The following TSC1 variants were observed in gnomAD, a reference collection of about 807,000 sequenced individuals.
TSC1 encodes TSC complex subunit 1.
Under a neutral mutation model 124.3 loss-of-function variants are expected in TSC1, and 20 were observed. That is an observed-to-expected ratio of 0.16 (90% CI 0.11 to 0.23). TSC1 has a LOEUF of 0.23. Ranked by LOEUF, TSC1 falls within the 10% of genes least tolerant of loss-of-function variation. The pLI is 1.00. For synonymous variants in TSC1, 493 were observed against 539.1 expected, an observed-to-expected ratio of 0.91 and a Z score of 1.19; for missense variants, 1,124 against 1,448.5, an observed-to-expected ratio of 0.78 and a Z score of 3.64.
chr9:132,928,927 G>C lies in TSC1; in HGVS notation c.-55C>G. The C allele has an allele frequency of 6.2e-7, 1 of 1,610,716 alleles. No homozygotes were observed. The highest frequency in any genetic ancestry group is 8.5e-7 in the Non-Finnish European group (1 of 1,179,008). ...CAGGACGTGTGCTACAGGTTCTGAA[G>C]GTTCTTCATTGGGGCCACTACCAAA... On this transcript the variant is annotated 5_prime_UTR_variant, in exon 3 of 23. Coordinates refer to ENST00000298552, the MANE Select transcript of TSC1 (RefSeq NM_000368.5).
In TSC1 at chr9:132,923,436, T is replaced by C. The variant is rs1588350620; in HGVS notation, c.420A>G (p.Leu140=). 1 of 1,614,148 alleles carries C rather than the reference T, an allele frequency of 6.2e-7. No individual in the cohort carries two copies. The highest frequency in any genetic ancestry group is 8.5e-7 in the Non-Finnish European group (1 of 1,180,012). The part of the protein sequence containing the change: ...TTGVLVLITM[L]PMIPQSGKQH... The stretch of plus-strand genomic sequence containing the variant: ...GTTTCCCAGACTGTGGAATCATTGG[T>C]AGCATGGTTATCAACACCAAGACGC... Residue 140 remains leucine (L), a synonymous_variant, in exon 6 of 23, where the codon CTA becomes CTG. Coordinates refer to ENST00000298552, the MANE Select transcript of TSC1 (RefSeq NM_000368.5). The surrounding 1 kb of genome is among the most constrained non-coding windows in gnomAD (Gnocchi z 4.2).
rs2132130736 is a variant in TSC1 at position 132,921,311 on chromosome 9, C to A, written c.737+52G>T. On this transcript the variant is annotated intron_variant, in intron 8 of 22. Transcript: ENST00000298552. The surrounding 1 kb of genome is among the most constrained non-coding windows in gnomAD (Gnocchi z 4.3). The stretch of plus-strand genomic sequence containing the variant: ...TCAACAGGGATTACCTCCTAGATCA[C>A]ATTTTCAATCTCTCGAAAGATTCTT... The A allele has an allele frequency of 1.3e-6, 2 of 1,580,434 alleles. No homozygotes were observed. Among genetic ancestry groups the A allele is most frequent in the Non-Finnish European group, 1.7e-6 (2 of 1,150,184 alleles).
chr9:132,918,557 T>C (rs1038138392), intron 8 of TSC1, among the ~76,000 whole-genome samples: 4 of 152,114 alleles, frequency 2.6e-5, no homozygotes, highest in African/African-American at 9.7e-5. Flanking sequence ...ATTCCAGAAG[T>C]AGTTGAGGGC....
chr9:132,910,454 C>G, intron 12 of TSC1, 117 bp downstream of exon 12: 11 of 1,571,340 alleles, frequency 7.0e-6, no homozygotes, highest in Non-Finnish European at 9.6e-6. Flanking sequence ...TATTCTGATT[C>G]AAACCCATTG....
chr9:132,928,758 T>G lies in TSC1; in HGVS notation c.106+9A>C, dbSNP rs1554820969. ...GAAGATAAGCTAAAAAGGATATTAT[T>G]TTGCTAACCAGAATTGAGGTTCTCT... is the stretch of plus-strand genomic sequence containing the variant. On this transcript the variant is annotated intron_variant, in intron 3 of 22. Transcript: ENST00000298552. The G allele has an allele frequency of 1.2e-6, 2 of 1,613,996 alleles. No individual in the cohort carries two copies. The highest frequency in any genetic ancestry group is 1.7e-6 in the Non-Finnish European group (2 of 1,180,000).
Position 132,896,856 on chromosome 9 carries a change from C to A in TSC1, c.2976-102G>T. 1.9e-6 allele frequency: 3 copies of A among 1,551,686 alleles called. No individual in the cohort carries two copies. Among genetic ancestry groups the A allele is most frequent in the South Asian group, 1.1e-5 (1 of 88,914 alleles). On this transcript the variant is annotated intron_variant, in intron 22 of 22. Transcript: ENST00000298552. This position sits in a 1 kb window ranked among gnomAD's most constrained non-coding sequence, Gnocchi z 4.5. ...CACTCACTCACACTGACACTGAACT[C>A]CGCTAGCCCACTCTCTGTTTTATAA...
intron 2 of TSC1, among the ~76,000 whole-genome samples, chr9:132,932,216 G>A (rs1847238748): frequency 6.6e-6 from 1 of 152,168 alleles, no homozygotes; most frequent in South Asian, 2.1e-4. Flanking sequence ...CATATTCAGA[G>A]GGCATGACCT....
intron 15 of TSC1, 98 bp downstream of exon 15, chr9:132,905,483 G>T: frequency 6.5e-7 from 1 of 1,543,342 alleles, no homozygotes; most frequent in East Asian, 2.3e-5. Context: ...GCCTCAAGGT[G>T]GGAGTGTGAA....
rs886063617 is a variant in TSC1 at position 132,895,787 on chromosome 9, C to T, written c.*448G>A. 4 of 274,622 alleles carry T rather than the reference C, an allele frequency of 1.5e-5. No homozygotes were observed. Among genetic ancestry groups the T allele is most frequent in the Admixed American group, 9.5e-5 (2 of 21,038 alleles). The allele number at this position is 274,622 out of a possible 1,614,324, so 17.0% of individuals were successfully genotyped here. A position where few individuals can be genotyped will look rare whatever the true frequency, so the allele number is the denominator to read the frequency against. On this transcript the variant is annotated 3_prime_UTR_variant, in exon 23 of 23. Coordinates refer to ENST00000298552, the MANE Select transcript of TSC1 (RefSeq NM_000368.5). ...GCAGGCTATGTCCTCCTGGAAGGGACAAAACCAGACTTACCTGCAATGCAA... is the reference window on the plus strand; with the variant it reads ...GCAGGCTATGTCCTCCTGGAAGGGATAAAACCAGACTTACCTGCAATGCAA...
chr9:132,909,286 C>T (rs1845825761), intron 12 of TSC1, among the ~76,000 whole-genome samples: 1 of 152,170 alleles, frequency 6.6e-6, no homozygotes, highest in Admixed American at 6.5e-5. Flanking sequence ...ATTGGCTCCT[C>T]AAGCTATTCA....
chr9:132,927,415 TAA>T lies in TSC1; in HGVS notation c.107-113_107-112del, dbSNP rs527611975. 4,274 of 997,254 alleles carry T rather than the reference TAA, an allele frequency of 4.3e-3. 24 individuals are homozygous for T. Among genetic ancestry groups the T allele is most frequent in the Non-Finnish European group, 4.7e-3 (3,067 of 648,050 alleles). 61.8% of individuals were successfully genotyped at this position (997,254 alleles called of 1,614,324 possible). A position where few individuals can be genotyped will look rare whatever the true frequency, so the allele number is the denominator to read the frequency against. The stretch of plus-strand genomic sequence containing the variant: ...GAAAATGTTTCTTTATATGCTATTC[TAA>T]GTTTTGTGCAGCATTACAGTTCTGC... On this transcript the variant is annotated intron_variant, in intron 3 of 22. Coordinates refer to ENST00000298552, the MANE Select transcript of TSC1 (RefSeq NM_000368.5).
rs532920974 is a variant in TSC1 at position 132,893,397 on chromosome 9, T to C, written c.*2838A>G. 20 of 233,308 alleles carry C rather than the reference T, an allele frequency of 8.6e-5. No individual in the cohort carries two copies. Among genetic ancestry groups the C allele is most frequent in the African/African-American group, 1.3e-4 (6 of 45,470 alleles). 14.5% of individuals were successfully genotyped at this position (233,308 alleles called of 1,614,324 possible). On this transcript the variant is annotated 3_prime_UTR_variant, in exon 23 of 23. Coordinates refer to ENST00000298552, the MANE Select transcript of TSC1 (RefSeq NM_000368.5). ...TCCAATCCCATAATAACAATTTTTATAGACTGTATAGCAGAGCCTTGTCAA... is the reference window on the plus strand; with the variant it reads ...TCCAATCCCATAATAACAATTTTTACAGACTGTATAGCAGAGCCTTGTCAA...
In TSC1 at chr9:132,921,981, AG is replaced by A. The variant is rs1436371020; in HGVS notation, c.509-9del. On this transcript the variant is annotated splice_polypyrimidine_tract_variant and intron_variant, in intron 6 of 22. Transcript: ENST00000298552. The surrounding 1 kb of genome is among the most constrained non-coding windows in gnomAD (Gnocchi z 4.3). ...AGACTTCCGCCACGTGGCCTAGAAA[AG>A]GAACCCGTTGAGAAGAGCCTCTTAG... 9.3e-6 allele frequency: 15 copies of A among 1,613,994 alleles called. No homozygotes were observed. The highest frequency in any genetic ancestry group is 1.3e-5 in the Non-Finnish European group (15 of 1,179,962).
chr9:132,942,347 A>T (rs1847781505), intron 1 of TSC1: 2 of 152,378 alleles, frequency 1.3e-5, no homozygotes, highest in South Asian at 4.1e-4. Flanking sequence ...AGGTCTACCT[A>T]GTATAGTGCC....
intron 12 of TSC1, among the ~76,000 whole-genome samples, chr9:132,908,687 A>T (rs1028756947): frequency 6.6e-6 from 1 of 151,188 alleles, no homozygotes; most frequent in Non-Finnish European, 1.5e-5. Context: ...GGCTCAAGCA[A>T]TCTACCTCCC....
intron 2 of TSC1, among the ~76,000 whole-genome samples, chr9:132,930,899 G>A (rs1373647179): frequency 6.6e-6 from 1 of 152,158 alleles, no homozygotes; most frequent in African/African-American, 2.4e-5. Context: ...GCTCCAAAAT[G>A]TGAGACCACC....
At position 132,926,777 on chromosome 9, in the gene TSC1, C is replaced by T. The variant is rs564587824; in HGVS notation, c.210+424G>A. 8.6e-4 allele frequency: 194 copies of T among 224,616 alleles called. 1 individual carries two copies. Among genetic ancestry groups the T allele is most frequent in the African/African-American group, 4.0e-3 (175 of 43,550 alleles). 13.9% of individuals were successfully genotyped at this position (224,616 alleles called of 1,614,324 possible). A position where few individuals can be genotyped will look rare whatever the true frequency, so the allele number is the denominator to read the frequency against. On this transcript the variant is annotated intron_variant, in intron 4 of 22. Transcript: ENST00000298552. ...GCAACCTCCGCCTCCCAGGTTCAAG[C>T]GATTCTCCTGCCTCAGCTTCCTGAG...
rs1488726432 is a variant in TSC1, at chr9:132,897,295, G to T, written c.2864C>A (p.Thr955Asn). 2 of 1,614,130 alleles carry T rather than the reference G, an allele frequency of 1.2e-6. No homozygotes were observed. The highest frequency in any genetic ancestry group is 3.3e-5 in the Admixed American group (2 of 60,014). ...ESRYEAQKRI[T>N]QVFELEILDL... is the part of the protein sequence containing the mutation. ...TAAGATCTCCAATTCAAACACCTGG[G>T]TTATCCTTTTCTGAGCCTCATACCT... The change falls in exon 22 of 23, where the codon ACC becomes AAC. Residue 955 changes from threonine (T) to asparagine (N), a missense_variant. This residue lies in a region of TSC1 where 325 missense variants were observed against 383.4 expected (regional missense o/e 0.85). Coordinates refer to ENST00000298552, the MANE Select transcript of TSC1 (RefSeq NM_000368.5).
At chr9:132,927,780 C>T (rs1457429404) in intron 3 of TSC1, among the ~76,000 whole-genome samples, 1 of 152,180 alleles carries the variant, frequency 6.6e-6, no homozygotes, top group Non-Finnish European at 1.5e-5. Context: ...CCGCCTCGGC[C>T]TCCCCAAGTG....
Sources: gnomAD v4.1 joint callset for allele counts (sites outside exome capture counted in the v4.1 genomes callset) on GRCh38, gnomAD v4.1.1 for gene constraint, gnomAD v4.1.1 regional missense constraint, Gnocchi (gnomAD v3.1) non-coding constraint, MANE v1.5 for transcripts, NCBI Gene and HGNC (gene_info 2026-07-23, HGNC 2026-07-21) for gene names.